The following INTS12 variants were observed in gnomAD, a reference collection of about 807,000 sequenced individuals.
INTS12 encodes PHD finger protein 22.
INTS12 carries 13 observed loss-of-function variants against 41.6 expected under a neutral mutation model. The observed-to-expected ratio is 0.31, with a 90% confidence interval of 0.20 to 0.50. The LOEUF is 0.50. Among genes scored for constraint, INTS12 ranks in the 20% least tolerant of loss-of-function variants. INTS12 has a pLI of 0.98. For missense variants in INTS12, 432 were observed against 541.6 expected (o/e 0.80, Z 2.01); for synonymous variants, 199 against 191.4 (o/e 1.04, Z -0.33).
At chr4:105,696,661 T>G (rs1053891481) in intron 3 of INTS12, among the ~76,000 whole-genome samples, 14 of 152,242 alleles carry the variant, frequency 9.2e-5, no homozygotes, top group African/African-American at 3.4e-4. Flanking sequence ...ATAAAGCTGT[T>G]ATGAATATTC....
chr4:105,699,600 C>T (rs1177082483), intron 3 of INTS12, among the ~76,000 whole-genome samples: 1 of 151,928 alleles, frequency 6.6e-6, no homozygotes, highest in African/African-American at 2.4e-5. Flanking sequence ...TAAAGTAAGT[C>T]GTAAACAAGT....
At chr4:105,694,167 T>C (rs565447916) in intron 4 of INTS12, among the ~76,000 whole-genome samples, 4 of 152,190 alleles carry the variant, frequency 2.6e-5, no homozygotes, top group South Asian at 4.1e-4. Flanking sequence ...GGTTAATCAT[T>C]CCCCTATGAT....
intron 3 of INTS12, among the ~76,000 whole-genome samples, chr4:105,699,350 T>C (rs1431544230): frequency 1.3e-5 from 2 of 152,182 alleles, no homozygotes; most frequent in African/African-American, 4.8e-5. Flanking sequence ...TATATTCTTT[T>C]CACATAAAGC....
rs35695511 is a variant in INTS12 at position 105,692,054 on chromosome 4, G to C, written c.579C>G (p.Pro193=). ...HNLYHRDCHK[P]QVTDKEANDP... The stretch of plus-strand genomic sequence containing the variant: ...CATTCGCTTCCTTGTCTGTCACCTG[G>C]GGTTTATGACAATCTCGGTGGTAGA... Residue 193 remains proline (P), a synonymous_variant, in exon 6 of 8, where the codon CCC becomes CCG. Coordinates refer to ENST00000340139, the MANE Select transcript of INTS12 (RefSeq NM_020395.4). 1,544 of 1,609,380 alleles carry C rather than the reference G, an allele frequency of 9.6e-4. 9 individuals carry two copies. In the African/African-American group the frequency reaches 0.018, roughly 19 times the overall value.
chr4:105,686,883 A>G, intron 6 of INTS12, 45 bp from the exon 7 acceptor site: 1 of 1,544,848 alleles, frequency 6.5e-7, no homozygotes. Flanking sequence ...TCTTAACTGA[A>G]TATACAGAAA....
chr4:105,708,645 C>G lies in INTS12; in HGVS notation c.-179G>C, dbSNP rs913200116. 2.0e-5 allele frequency: 19 copies of G among 972,016 alleles called. No homozygotes were observed. The highest frequency in any genetic ancestry group is 6.2e-5 in the Admixed American group (1 of 16,220). 60.2% of individuals were successfully genotyped at this position (972,016 alleles called of 1,614,324 possible). ...TCGCTCAGCATAACTCACCGTTCCG[C>G]CCCGCCCTGCCGATCCGTCTGTTCC... is the stretch of plus-strand genomic sequence containing the variant. On this transcript the variant is annotated 5_prime_UTR_variant, in exon 1 of 8. Coordinates refer to ENST00000340139, the MANE Select transcript of INTS12 (RefSeq NM_020395.4).
chr4:105,695,312 A>T (rs1372742977), intron 4 of INTS12, among the ~76,000 whole-genome samples: 1 of 152,154 alleles, frequency 6.6e-6, no homozygotes, highest in Non-Finnish European at 1.5e-5. Flanking sequence ...AATAACTTTT[A>T]ACCACTTAAC....
intron 6 of INTS12, among the ~76,000 whole-genome samples, chr4:105,687,346 G>C (rs552143069): frequency 3.1e-4 from 47 of 152,078 alleles, no homozygotes; most frequent in African/African-American, 1.1e-3. Flanking sequence ...AACTTTTTGA[G>C]GTTTTTCCAC....
chr4:105,702,145 T>C (rs1732100734), intron 2 of INTS12, among the ~76,000 whole-genome samples: 1 of 143,082 alleles, frequency 7.0e-6, no homozygotes, highest in Non-Finnish European at 1.5e-5. Context: ...TTTTTTTTTT[T>C]TTTTTTTTGA....
intron 1 of INTS12, among the ~76,000 whole-genome samples, chr4:105,704,653 G>A (rs2149193508): frequency 6.6e-6 from 1 of 152,240 alleles, no homozygotes; most frequent in South Asian, 2.1e-4. Flanking sequence ...TATATCATTG[G>A]TGCCTCCTAT....
intron 2 of INTS12, among the ~76,000 whole-genome samples, chr4:105,703,440 G>C (rs943754404): frequency 6.6e-6 from 1 of 152,080 alleles, no homozygotes; most frequent in African/African-American, 2.4e-5. Context: ...TCTTTTTTCT[G>C]TATCTCTTAT....
Position 105,686,844 on chromosome 4 carries a change from A to T in INTS12, c.658-6T>A. On this transcript the variant is annotated splice_polypyrimidine_tract_variant and splice_region_variant and intron_variant, in intron 6 of 7. Transcript: ENST00000340139. ...GGTTTCTGAGTTTTTTGAGCCTGCA[A>T]AAATCAGTGGATTAAATCAGATACA... 6.2e-7 allele frequency: 1 copy of T among 1,612,982 alleles called. No homozygotes were observed. Among genetic ancestry groups the T allele is most frequent in the Non-Finnish European group, 8.5e-7 (1 of 1,179,334 alleles).
chr4:105,689,383 T>C (rs1400612867), intron 6 of INTS12, among the ~76,000 whole-genome samples: 1 of 152,238 alleles, frequency 6.6e-6, no homozygotes, highest in Non-Finnish European at 1.5e-5. Flanking sequence ...AAAGCAATTA[T>C]AGTTAGAATG....
chr4:105,702,745 T>C (rs1416017615), intron 2 of INTS12: 3 of 206,470 alleles, frequency 1.5e-5, no homozygotes, highest in Non-Finnish European at 2.5e-5. Context: ...CTCCAATTTC[T>C]TGTCCCTTCT....
intron 3 of INTS12, among the ~76,000 whole-genome samples, chr4:105,697,521 G>A (rs898437605): frequency 6.6e-6 from 1 of 152,118 alleles, no homozygotes; most frequent in East Asian, 1.9e-4. Flanking sequence ...TTAGCAAACT[G>A]AGGCCTATAA....
In INTS12 at chr4:105,698,657, C is replaced by A. The variant is rs529497635; in HGVS notation, c.156+1193G>T. ...TTTTGTAGAGCCATATTGATTTGGT[C>A]GATCTGAACTCACTGAACCTACTGC... On this transcript the variant is annotated intron_variant, in intron 3 of 7. Coordinates refer to ENST00000340139, the MANE Select transcript of INTS12 (RefSeq NM_020395.4). 5.3e-5 allele frequency among the ~76,000 whole-genome samples: 8 copies of A among 152,164 alleles called. No homozygotes were observed. In the East Asian group the frequency reaches 1.5e-3, roughly 29 times the overall value.
At chr4:105,707,869 A>C (rs1732351710) in intron 1 of INTS12, 1 of 697,730 alleles carries the variant, frequency 1.4e-6, no homozygotes, top group South Asian at 6.4e-5. Flanking sequence ...TTGGGCATTC[A>C]TATATAAATA....
intron 4 of INTS12, 110 bp downstream of exon 4, chr4:105,695,406 T>G: frequency 1.3e-6 from 1 of 741,164 alleles, no homozygotes; most frequent in Non-Finnish European, 2.1e-6. Flanking sequence ...TTGATTATTA[T>G]ATACCTATAC....
At chr4:105,691,837 A>ATACT (rs2149181647) in intron 6 of INTS12, 139 bp downstream of exon 6, 1 of 589,706 alleles carries the variant, frequency 1.7e-6, no homozygotes, top group South Asian at 3.2e-5. Context: ...TCACATGTAC[A>ATACT]TACTATACAT....
Sources: allele counts gnomAD v4.1 joint callset (sites outside exome capture counted in the v4.1 genomes callset), GRCh38; gene constraint gnomAD v4.1.1; transcripts MANE v1.5; gene names NCBI Gene and HGNC (gene_info 2026-07-23, HGNC 2026-07-21).